Variants in ITGB1BP1 observed in about 807,000 individuals in gnomAD.
ITGB1BP1 encodes integrin subunit beta 1 binding protein 1.
In ITGB1BP1, 20 loss-of-function variants were observed where a neutral mutation model predicts 28.0. The observed-to-expected ratio is 0.71, with a 90% CI of 0.50 to 1.04. The LOEUF (loss-of-function observed/expected upper bound fraction) is 1.04, where lower values mean the gene tolerates loss of function less well. ITGB1BP1 is among the 50% of genes least tolerant of loss of function. The pLI is 0.00. For synonymous variants in ITGB1BP1, 103 were observed against 89.5 expected (o/e 1.15, Z -0.85); for missense variants, 228 against 242.5 (o/e 0.94, Z 0.40).
rs971375897 is a variant in ITGB1BP1 at position 9,406,817 on chromosome 2, C to G, written c.*17G>C. ...CTGAACTTTCAGATGAAGTTGACTT[C>G]TACTTGATTGCAGGATTCAGGGTTT... is the stretch of plus-strand genomic sequence containing the variant. On this transcript the variant is annotated 3_prime_UTR_variant, in exon 7 of 7. Transcript: ENST00000355346. 2 of 1,571,672 alleles carry G rather than the reference C, an allele frequency of 1.3e-6. No individual in the cohort carries two copies. The highest frequency in any genetic ancestry group is 1.8e-6 in the Non-Finnish European group (2 of 1,141,246).
chr2:9,422,663 G>C lies in ITGB1BP1; in HGVS notation c.-36+710C>G, dbSNP rs1455379807. On this transcript the variant is annotated intron_variant, in intron 1 of 6. Coordinates refer to ENST00000355346, the MANE Select transcript of ITGB1BP1 (RefSeq NM_004763.5). Reference sequence around the variant, plus strand: ...ACTCCTCTGCATTGCCAGGGCGCCTGGCAGGGGACGCGCTTACTGAAGCCG... The same window carrying C: ...ACTCCTCTGCATTGCCAGGGCGCCTCGCAGGGGACGCGCTTACTGAAGCCG... The C allele has an allele frequency of 3.0e-6, 3 of 985,480 alleles. No individual in the cohort carries two copies. In the African/African-American group the frequency reaches 5.2e-5, roughly 17 times the overall value. 61.0% of individuals were successfully genotyped at this position (985,480 alleles called of 1,614,324 possible).
At chr2:9,408,252 T>C (rs1558421684) in intron 4 of ITGB1BP1, 47 bp from the exon 5 acceptor site, 2 of 1,167,892 alleles carry the variant, frequency 1.7e-6, no homozygotes, top group South Asian at 1.2e-5. Flanking sequence ...AATTACATAA[T>C]AGTCTTAAGT....
chr2:9,423,278 C>A, intron 1 of ITGB1BP1, 95 bp downstream of exon 1: 1 of 1,202,552 alleles, frequency 8.3e-7, no homozygotes, highest in Non-Finnish European at 1.1e-6. Flanking sequence ...GCGGCCCCAC[C>A]CATCCTTCCT....
intron 4 of ITGB1BP1, among the ~76,000 whole-genome samples, chr2:9,409,079 C>G (rs905660050): frequency 1.3e-5 from 2 of 152,234 alleles, no homozygotes; most frequent in African/African-American, 4.8e-5. Flanking sequence ...ACTCCACTCA[C>G]AAAAACATGA....
In ITGB1BP1 at chr2:9,415,890, A is replaced by C. The variant is rs188970008; in HGVS notation, c.73-1634T>G. Among the ~76,000 whole-genome samples, 1,124 of 152,300 alleles carry C rather than the reference A, an allele frequency of 7.4e-3. 4 individuals carry two copies. The highest frequency in any genetic ancestry group is 0.011 in the Non-Finnish European group (780 of 68,022). On this transcript the variant is annotated intron_variant, in intron 2 of 6. Transcript: ENST00000355346. This position sits in a 1 kb window ranked among gnomAD's most constrained non-coding sequence, Gnocchi z 4.1. Reference sequence around the variant, plus strand: ...CATTCACATGTGGCTGTTATTTAACAGCGTGGCACATGTGGCACATGGGAG... The same window carrying C: ...CATTCACATGTGGCTGTTATTTAACCGCGTGGCACATGTGGCACATGGGAG...
intron 3 of ITGB1BP1, chr2:9,412,667 A>G (rs1440269803): frequency 1.0e-5 from 3 of 291,394 alleles, no homozygotes; most frequent in Non-Finnish European, 1.9e-5. Flanking sequence ...TTCAAAACAA[A>G]CAGTAAAGAA....
Position 9,405,527 on chromosome 2 carries a change from G to T in ITGB1BP1, c.*1307C>A, listed in dbSNP as rs1358790924. 1.3e-5 allele frequency: 2 copies of T among 152,512 alleles called. No homozygotes were observed. The highest frequency in any genetic ancestry group is 2.9e-5 in the Non-Finnish European group (2 of 68,002). 9.4% of individuals were successfully genotyped at this position (152,512 alleles called of 1,614,324 possible). A position where few individuals can be genotyped will look rare whatever the true frequency, so the allele number is the denominator to read the frequency against. On this transcript the variant is annotated 3_prime_UTR_variant, in exon 7 of 7. Coordinates refer to ENST00000355346, the MANE Select transcript of ITGB1BP1 (RefSeq NM_004763.5). Reference sequence around the variant, plus strand: ...TTCAGTTCATTCACCTGATTACTTTGGTTGCAGCACAACTGTATATATTGT... The same window carrying T: ...TTCAGTTCATTCACCTGATTACTTTTGTTGCAGCACAACTGTATATATTGT...
rs527731260 is a variant in ITGB1BP1, at chr2:9,419,000, C to T, written c.-35-268G>A. ...AACTCCTGCTCTCAGGCGATCCTCCCGCCTTGGCCTCCCAAAGTGCTGGGA... is the reference window on the plus strand; with the variant it reads ...AACTCCTGCTCTCAGGCGATCCTCCTGCCTTGGCCTCCCAAAGTGCTGGGA... On this transcript the variant is annotated intron_variant, in intron 1 of 6. Coordinates refer to ENST00000355346, the MANE Select transcript of ITGB1BP1 (RefSeq NM_004763.5). Among the ~76,000 whole-genome samples, 380 of 152,282 alleles carry T rather than the reference C, an allele frequency of 2.5e-3. 1 individual carries two copies. The highest frequency in any genetic ancestry group is 4.5e-3 in the Non-Finnish European group (303 of 68,028).
chr2:9,410,986 C>G (rs1007422862), intron 4 of ITGB1BP1, among the ~76,000 whole-genome samples: 1 of 152,142 alleles, frequency 6.6e-6, no homozygotes, highest in African/African-American at 2.4e-5. Context: ...TCTTTTAATG[C>G]GCACATAAAA....
intron 4 of ITGB1BP1, among the ~76,000 whole-genome samples, chr2:9,409,813 A>G (rs1236922948): frequency 2.7e-5 from 4 of 150,832 alleles, no homozygotes; most frequent in Non-Finnish European, 5.9e-5. Flanking sequence ...CTGGAAAGTA[A>G]TTATACTTGT....
rs531717039 is a variant in ITGB1BP1, at chr2:9,407,541, C to T, written c.439G>A (p.Gly147Ser). The change falls in exon 6 of 7, where the codon GGT becomes AGT. Residue 147 changes from glycine (G) to serine (S), a missense_variant. Gly to Ser is a moderately conservative substitution (Grantham distance 56). Around this residue, in one of 2 missense-constraint regions of ITGB1BP1, gnomAD observed 192 missense variants for 181.6 expected, o/e 1.06. Coordinates refer to ENST00000355346, the MANE Select transcript of ITGB1BP1 (RefSeq NM_004763.5). ...AGTAAGCTTTTTCCCGCCCCCAGAC[C>T]GTCATCGTAACACACCATCCGGATT... ...LIIRMVCYDD[G>S]LGAGKSLLAL... 28 of 1,614,124 alleles carry T rather than the reference C, an allele frequency of 1.7e-5. No individual in the cohort carries two copies. Among genetic ancestry groups the T allele is most frequent in the South Asian group, 2.2e-5 (2 of 91,082 alleles).
Position 9,407,488 on chromosome 2 carries a change from A to T in ITGB1BP1, c.492T>A (p.Asn164Lys). 1 of 1,614,130 alleles carries T rather than the reference A, an allele frequency of 6.2e-7. No homozygotes were observed. The highest frequency in any genetic ancestry group is 8.5e-7 in the Non-Finnish European group (1 of 1,180,016). The change falls in exon 6 of 7, where the codon AAT becomes AAA. Residue 164 changes from asparagine (N) to lysine (K), a missense_variant. Asn to Lys is a moderately conservative substitution (Grantham distance 94). Around this residue, in one of 2 missense-constraint regions of ITGB1BP1, gnomAD observed 192 missense variants for 181.6 expected, o/e 1.06. Coordinates refer to ENST00000355346, the MANE Select transcript of ITGB1BP1 (RefSeq NM_004763.5). ...GATAAACCCACAGGCTGTATTCCTC[A>T]TTGCTTGCATCTGTGGTCTTCAGAG... ...LLALKTTDAS[N>K]EEYSLWVYQC... is the part of the protein sequence containing the mutation.
At chr2:9,416,354 G>C (rs1294499745) in intron 2 of ITGB1BP1, among the ~76,000 whole-genome samples, 1 of 152,108 alleles carries the variant, frequency 6.6e-6, no homozygotes, top group East Asian at 1.9e-4. Context: ...TTCTTTAAAT[G>C]AGATTAACGT....
chr2:9,418,776 C>T (rs2148908547), intron 1 of ITGB1BP1, 44 bp from the exon 2 acceptor site: 63 of 951,920 alleles, frequency 6.6e-5, no homozygotes, highest in Non-Finnish European at 8.5e-5. Flanking sequence ...GGAAAAGCAA[C>T]TTTTTTTTTT....
Position 9,405,814 on chromosome 2 carries a change from A to G in ITGB1BP1, c.*1020T>C, listed in dbSNP as rs1243062029. 2.6e-5 allele frequency: 4 copies of G among 152,198 alleles called. No individual in the cohort carries two copies. The highest frequency in any genetic ancestry group is 5.9e-5 in the Non-Finnish European group (4 of 68,036). 9.4% of individuals were successfully genotyped at this position (152,198 alleles called of 1,614,324 possible). A position where few individuals can be genotyped will look rare whatever the true frequency, so the allele number is the denominator to read the frequency against. ...AGCGGTAATCTTTTAAGGTTCTCTT[A>G]ACTCTAGGAATTGTGGTTGGCCAGC... On this transcript the variant is annotated 3_prime_UTR_variant, in exon 7 of 7. Coordinates refer to ENST00000355346, the MANE Select transcript of ITGB1BP1 (RefSeq NM_004763.5).
At chr2:9,407,727 C>T in intron 5 of ITGB1BP1, 129 bp from the exon 6 acceptor site, 3 of 981,804 alleles carry the variant, frequency 3.1e-6, no homozygotes, top group Non-Finnish European at 4.5e-6. Flanking sequence ...CAAGGGATGT[C>T]CTGTATGCTC....
intron 4 of ITGB1BP1, among the ~76,000 whole-genome samples, chr2:9,408,592 A>C (rs1254269239): frequency 6.6e-6 from 1 of 152,124 alleles, no homozygotes; most frequent in Middle Eastern, 3.2e-3. Context: ...CACCCACCAT[A>C]ACCTCCCAAA....
In ITGB1BP1 at chr2:9,415,515, G is replaced by T. The variant is rs1375337930; in HGVS notation, c.73-1259C>A. 6.6e-6 allele frequency among the ~76,000 whole-genome samples: 1 copy of T among 151,970 alleles called. No homozygotes were observed. Among genetic ancestry groups the T allele is most frequent in the African/African-American group, 2.4e-5 (1 of 41,340 alleles). ...AGAATCGCTTGAACCCACAGGCAGA[G>T]GTTGCAGTAAGCCGAGATCACACCA... On this transcript the variant is annotated intron_variant, in intron 2 of 6. Coordinates refer to ENST00000355346, the MANE Select transcript of ITGB1BP1 (RefSeq NM_004763.5). This position sits in a 1 kb window ranked among gnomAD's most constrained non-coding sequence, Gnocchi z 4.1.
At chr2:9,418,316 C>T (rs1679392787) in intron 2 of ITGB1BP1, among the ~76,000 whole-genome samples, 1 of 152,108 alleles carries the variant, frequency 6.6e-6, no homozygotes, top group Non-Finnish European at 1.5e-5. Flanking sequence ...ATTCAAGAGG[C>T]CCAGCCCCTT....
Sources: gnomAD v4.1 joint callset for allele counts (sites outside exome capture counted in the v4.1 genomes callset) on GRCh38, gnomAD v4.1.1 for gene constraint, gnomAD v4.1.1 regional missense constraint, Gnocchi (gnomAD v3.1) non-coding constraint, MANE v1.5 for transcripts, NCBI Gene and HGNC (gene_info 2026-07-23, HGNC 2026-07-21) for gene names.